SYMPK: variants seen among roughly 807,000 people sequenced by gnomAD.
SYMPK encodes the protein symplekin scaffold protein.
A neutral mutation model predicts 136.4 loss-of-function variants in SYMPK; 49 were observed. That is an observed-to-expected ratio of 0.36 (90% CI 0.29 to 0.46). The LOEUF (loss-of-function observed/expected upper bound fraction) is 0.46. Ranked by LOEUF, SYMPK falls within the 20% of genes least tolerant of loss-of-function variation. The pLI, the probability that SYMPK is intolerant of heterozygous loss-of-function variation, is 1.00. For synonymous variants in SYMPK, 766 were observed against 713.0 expected (o/e 1.07, Z -1.19); for missense variants, 1,365 against 1,690.0 (o/e 0.81, Z 3.37).
intron 1 of SYMPK, among the ~76,000 whole-genome samples, chr19:45,860,504 AAGAG>A (rs1481613382): frequency 1.3e-5 from 2 of 149,576 alleles, no homozygotes; most frequent in East Asian, 3.9e-4. Context: ...CAGAGAGAGA[AAGAG>A]AAAGAGAGAG....
At chr19:45,817,874 C>A (rs770145314) in intron 23 of SYMPK, 85 bp downstream of exon 23, 5 of 1,384,314 alleles carry the variant, frequency 3.6e-6, no homozygotes, top group Admixed American at 4.7e-5. Context: ...GGGCTCCCTC[C>A]GGGGTCAGAC....
At position 45,847,732 on chromosome 19, in the gene SYMPK, C is replaced by A; in HGVS notation, c.676+20G>T. 1 of 1,595,174 alleles carries A rather than the reference C, an allele frequency of 6.3e-7. No individual in the cohort carries two copies. The highest frequency in any genetic ancestry group is 8.6e-7 in the Non-Finnish European group (1 of 1,166,052). ...ACTGGTGCAGGGCTGTCAGGGGTGG[C>A]AGCTGAAGGCAGTACTCACTGTACT... On this transcript the variant is annotated intron_variant, in intron 7 of 26. Transcript: ENST00000245934.
In SYMPK at chr19:45,821,272, T is replaced by C. The variant is rs533952336; in HGVS notation, c.2893+112A>G. ...GCTCTCCAGAGCTCTGAGGTGGGGC[T>C]GTGAGTGACAGTCTTTGACTTGGCA... On this transcript the variant is annotated intron_variant, in intron 22 of 26. Transcript: ENST00000245934. This position sits in a 1 kb window ranked among gnomAD's most constrained non-coding sequence, Gnocchi z 4.4. 1.8e-4 allele frequency: 150 copies of C among 825,692 alleles called. No individual in the cohort carries two copies. The highest frequency in any genetic ancestry group is 1.1e-3 in the Middle Eastern group (5 of 4,544). The allele number at this position is 825,692 out of a possible 1,614,324, so 51.1% of individuals were successfully genotyped here. A position where few individuals can be genotyped will look rare whatever the true frequency, so the allele number is the denominator to read the frequency against.
intron 11 of SYMPK, among the ~76,000 whole-genome samples, chr19:45,831,992 C>T (rs921034874): frequency 6.6e-6 from 1 of 152,110 alleles, no homozygotes; most frequent in Non-Finnish European, 1.5e-5. Flanking sequence ...CAGGCGCATG[C>T]CAACATACCT....
chr19:45,848,651 T>G, intron 6 of SYMPK, 99 bp downstream of exon 6: 2 of 1,532,560 alleles, frequency 1.3e-6, no homozygotes, highest in Non-Finnish European at 9.0e-7. Context: ...ATCTTGCCCA[T>G]AAAGAGTATG....
intron 10 of SYMPK, among the ~76,000 whole-genome samples, chr19:45,836,657 G>A (rs944163114): frequency 6.6e-6 from 1 of 151,884 alleles, no homozygotes; most frequent in Admixed American, 6.6e-5. Context: ...ATTTTTCTTA[G>A]AGACAGGGTC....
chr19:45,852,615 G>A, intron 3 of SYMPK, 80 bp from the exon 4 acceptor site: 2 of 1,538,566 alleles, frequency 1.3e-6, no homozygotes, highest in Admixed American at 1.7e-5. Flanking sequence ...AGAGTAGAGG[G>A]GAAGACAGCA....
At position 45,816,055 on chromosome 19, in the gene SYMPK, C is replaced by A. The variant is rs758438060; in HGVS notation, c.3483G>T (p.Pro1161=). The stretch of plus-strand genomic sequence containing the variant: ...AAGAGGAGGGGGCTCCCACTCCTCC[C>A]GGCTTCAGCTTCTGTTCCTCCTCCA... ...RQLEEEQKLK[P]GGVGAPSSSS... is the part of the protein sequence containing the mutation. The change falls in exon 26 of 27, where the codon CCG becomes CCT. Residue 1161 remains proline, a synonymous_variant. Coordinates refer to ENST00000245934, the MANE Select transcript of SYMPK (RefSeq NM_004819.3). The A allele has an allele frequency of 1.3e-6, 2 of 1,565,558 alleles. No homozygotes were observed. Among genetic ancestry groups the A allele is most frequent in the Admixed American group, 1.9e-5 (1 of 52,712 alleles).
At chr19:45,851,125 G>A (rs1170950779) in intron 5 of SYMPK, among the ~76,000 whole-genome samples, 1 of 152,120 alleles carries the variant, frequency 6.6e-6, no homozygotes, top group Non-Finnish European at 1.5e-5. Flanking sequence ...TGAGAGCAGG[G>A]GTGTGCCAAG....
intron 23 of SYMPK, 189 bp from the exon 24 acceptor site, chr19:45,817,163 G>A (rs886197633): frequency 7.0e-6 from 4 of 573,780 alleles, no homozygotes; most frequent in Middle Eastern, 4.6e-4. Flanking sequence ...GCTGGACCAC[G>A]AGGGCAACTT....
intron 22 of SYMPK, chr19:45,819,864 AG>A (rs1304365968): frequency 6.6e-6 from 1 of 152,584 alleles, no homozygotes. Context: ...GAGTGCAACC[AG>A]GAAGACTGCT....
At position 45,815,662 on chromosome 19, in the gene SYMPK, C is replaced by T; in HGVS notation, c.3723G>A (p.Glu1241=). The change falls in exon 27 of 27, where the codon GAG becomes GAA. Residue 1241 remains glutamate (E), a synonymous_variant. Coordinates refer to ENST00000245934, the MANE Select transcript of SYMPK (RefSeq NM_004819.3). ...TAAGGLTLKE[E]RSPQTLAPVG... ...CAGGTGCGAGGGTCTGGGGGCTCCG[C>T]TCCTCCTTCAAGGTCAGCCCGCCCG... 1 of 1,610,636 alleles carries T rather than the reference C, an allele frequency of 6.2e-7. No individual in the cohort carries two copies. The highest frequency in any genetic ancestry group is 8.5e-7 in the Non-Finnish European group (1 of 1,179,088).
intron 22 of SYMPK, chr19:45,819,192 G>A (rs1970828263): frequency 6.6e-6 from 1 of 152,188 alleles, no homozygotes; most frequent in Non-Finnish European, 1.5e-5. Flanking sequence ...CTTTGCCCCA[G>A]CCCCCCACCT....
At chr19:45,849,723 T>C (rs1209350477) in intron 5 of SYMPK, among the ~76,000 whole-genome samples, 1 of 152,152 alleles carries the variant, frequency 6.6e-6, no homozygotes, top group African/African-American at 2.4e-5. Context: ...ATAGGATATT[T>C]GGGTTCTGGC....
At chr19:45,817,417 C>CTTTTTTTTTTTTT (rs559430104) in intron 23 of SYMPK, among the ~76,000 whole-genome samples, 10 of 108,478 alleles carry the variant, frequency 9.2e-5, no homozygotes, top group African/African-American at 2.8e-4. Flanking sequence ...TTTTTGTTCT[C>CTTTTTTTTTTTTT]TTTTTTTTTT....
Position 45,852,342 on chromosome 19 carries a change from T to G in SYMPK, c.269A>C (p.Lys90Thr), listed in dbSNP as rs1030684727. The change falls in exon 5 of 27, where the codon AAA (lysine) becomes ACA (threonine). Residue 90 changes from lysine (K) to threonine (T), a missense_variant. Lys to Thr is a moderately conservative substitution (Grantham distance 78). Transcript: ENST00000245934. The part of the protein sequence containing the change: ...FQADKSIEVR[K>T]FVIGFIEEAC... Reference sequence around the variant, plus strand: ...CTCCTCGATGAAGCCGATGACAAATTTTCGCACTTCGATTGACTTGTCTGC... The same window carrying G: ...CTCCTCGATGAAGCCGATGACAAATGTTCGCACTTCGATTGACTTGTCTGC... The G allele has an allele frequency of 1.9e-6, 3 of 1,614,062 alleles. No homozygotes were observed. Among genetic ancestry groups the G allele is most frequent in the Non-Finnish European group, 2.5e-6 (3 of 1,180,040 alleles).
At chr19:45,815,751 G>T in intron 26 of SYMPK, 54 bp from the exon 27 acceptor site, 1 of 1,597,224 alleles carries the variant, frequency 6.3e-7, no homozygotes, top group Non-Finnish European at 8.5e-7. Flanking sequence ...TCACCTCCAC[G>T]CTCCCCTTCA....
intron 12 of SYMPK, chr19:45,830,695 CT>C (rs1971147976): frequency 6.5e-6 from 1 of 153,140 alleles, no homozygotes; most frequent in African/African-American, 2.4e-5. Context: ...CGAGACCATC[CT>C]GGTTAACACG....
In SYMPK at chr19:45,847,882, G is replaced by A. The variant is rs113726151; in HGVS notation, c.546C>T (p.His182=). 4,049 of 1,614,046 alleles carry A rather than the reference G, an allele frequency of 2.5e-3. 7 individuals are homozygous for A. The highest frequency in any genetic ancestry group is 3.1e-3 in the Non-Finnish European group (3,697 of 1,180,008). ...LDSDNDGIRT[H]AIKFVEGLIV... ...TGAGGCCCTCCACAAACTTGATGGC[G>A]TGGGTGCGGATGCCGTCATTGTCAG... Residue 182 remains histidine, a synonymous_variant, in exon 7 of 27, where the codon CAC becomes CAT. Transcript: ENST00000245934.
Sources: gnomAD v4.1 joint callset for allele counts (sites outside exome capture counted in the v4.1 genomes callset) on GRCh38, gnomAD v4.1.1 for gene constraint, Gnocchi (gnomAD v3.1) non-coding constraint, MANE v1.5 for transcripts, NCBI Gene and HGNC (gene_info 2026-07-23, HGNC 2026-07-21) for gene names.